Variants in TYW1B observed in about 807,000 individuals in gnomAD.
TYW1B encodes S-adenosyl-L-methionine-dependent tRNA 4-demethylwyosine synthase TYW1B.
TYW1B carries 73 observed loss-of-function variants against 86.9 expected under a neutral mutation model. The ratio of observed to expected loss-of-function variants is 0.84; its 90% CI spans 0.70 to 1.02. TYW1B has a LOEUF of 1.02. Among genes scored for constraint, TYW1B ranks in the 50% least tolerant of loss-of-function variants. The probability of loss-of-function intolerance (pLI) is 0.00; values close to 1 mark genes in which losing one functional copy is unlikely to be tolerated. For synonymous variants in TYW1B, 248 were observed against 292.8 expected (o/e 0.85, Z 1.56); for missense variants, 637 against 827.4 (o/e 0.77, Z 2.82).
intron 1 of TYW1B, among the ~76,000 whole-genome samples, chr7:72,827,700 C>G (rs1241198239): frequency 6.6e-6 from 1 of 152,062 alleles, no homozygotes; most frequent in Non-Finnish European, 1.5e-5. Context: ...AAAAGATTCT[C>G]AAGTAACTGA....
chr7:72,581,866 C>G (rs1252307977), intron 13 of TYW1B, among the ~76,000 whole-genome samples: 1 of 152,174 alleles, frequency 6.6e-6, no homozygotes, highest in Non-Finnish European at 1.5e-5. Flanking sequence ...ATCCCAGGTA[C>G]AAGAGATTCT....
At chr7:72,632,377 T>TAATATATA (rs1812534833) in intron 11 of TYW1B, among the ~76,000 whole-genome samples, 1 of 89,534 alleles carries the variant, frequency 1.1e-5, no homozygotes, top group Non-Finnish European at 1.9e-5. Context: ...GCATATATAT[T>TAATATATA]ATATATATAC....
rs34001923 is a variant in TYW1B, at chr7:72,737,787, CT to C, written c.1082+6696del. Among the ~76,000 whole-genome samples, 1,058 of 138,814 alleles carry C rather than the reference CT, an allele frequency of 7.6e-3. 14 individuals are homozygous for C. The highest frequency in any genetic ancestry group is 0.026 in the African/African-American group (977 of 36,966). The allele number at this position is 138,814 out of a possible 152,430, so 91.1% of individuals were successfully genotyped here. A position where few individuals can be genotyped will look rare whatever the true frequency, so the allele number is the denominator to read the frequency against. ...GTGGTTTTTTGGTCACATTTTACTTCTTTTTTTTTTTTTTTGAGATGGAGTA... is the reference window on the plus strand; with the variant it reads ...GTGGTTTTTTGGTCACATTTTACTTCTTTTTTTTTTTTTTGAGATGGAGTA... On this transcript the variant is annotated intron_variant, in intron 8 of 13. Transcript: ENST00000620995.
At chr7:72,768,187 G>C (rs541800298) in intron 7 of TYW1B, among the ~76,000 whole-genome samples, 2 of 151,842 alleles carry the variant, frequency 1.3e-5, no homozygotes, top group African/African-American at 4.8e-5. Context: ...GCTGCAGTGA[G>C]CCGAAATTGC....
At chr7:72,650,775 C>T (rs1335157671) in intron 11 of TYW1B, among the ~76,000 whole-genome samples, 1 of 152,122 alleles carries the variant, frequency 6.6e-6, no homozygotes, top group Non-Finnish European at 1.5e-5. Flanking sequence ...ACGTGGTAAT[C>T]TAACATTTCA....
At chr7:72,656,148 A>G (rs553805041) in intron 11 of TYW1B, among the ~76,000 whole-genome samples, 1 of 152,292 alleles carries the variant, frequency 6.6e-6, no homozygotes, top group Admixed American at 6.5e-5. Flanking sequence ...GCAAAGCCCT[A>G]CCACAGCCTC....
At chr7:72,671,641 T>A (rs1442309520) in intron 11 of TYW1B, among the ~76,000 whole-genome samples, 2 of 152,226 alleles carry the variant, frequency 1.3e-5, no homozygotes, top group Non-Finnish European at 2.9e-5. Context: ...ATTTAAGGGC[T>A]GTGTGGATTT....
At chr7:72,611,750 T>TG (rs1554435969) in intron 13 of TYW1B, among the ~76,000 whole-genome samples, 1 of 152,112 alleles carries the variant, frequency 6.6e-6, no homozygotes, top group Non-Finnish European at 1.5e-5. Context: ...CTGACACACA[T>TG]GGGTATTCAA....
intron 2 of TYW1B, among the ~76,000 whole-genome samples, chr7:72,825,933 A>T (rs1364322631): frequency 6.6e-6 from 1 of 152,216 alleles, no homozygotes; most frequent in African/African-American, 2.4e-5. Flanking sequence ...CATCGCAGAA[A>T]GGAAAAATAT....
At chr7:72,610,578 G>T (rs1187766238) in intron 13 of TYW1B, among the ~76,000 whole-genome samples, 1 of 151,974 alleles carries the variant, frequency 6.6e-6, no homozygotes, top group East Asian at 1.9e-4. Context: ...CCCTCAGATT[G>T]CTAGACCTGA....
In TYW1B at chr7:72,745,851, G is replaced by GT. The variant is rs1787384617; in HGVS notation, c.965-1251_965-1250insA. The stretch of plus-strand genomic sequence containing the variant: ...TGAGTAGCCTTTACACGTGTATAGG[G>GT]GTGTGTGTGTGTGTGTGTGTGTGTG... On this transcript the variant is annotated intron_variant, in intron 7 of 13. Coordinates refer to ENST00000620995, the MANE Select transcript of TYW1B (RefSeq NM_001145440.3). 2.7e-3 allele frequency among the ~76,000 whole-genome samples: 200 copies of GT among 75,152 alleles called. 1 individual carries two copies. The South Asian group carries it at 0.042, about 16-fold the overall frequency. 49.3% of individuals were successfully genotyped at this position (75,152 alleles called of 152,430 possible).
chr7:72,646,915 T>C (rs1192850820), intron 11 of TYW1B, among the ~76,000 whole-genome samples: 1 of 152,222 alleles, frequency 6.6e-6, no homozygotes, highest in Non-Finnish European at 1.5e-5. Context: ...TAAAAATATA[T>C]AGTCATGAGT....
chr7:72,702,137 C>A (rs1554452691), intron 10 of TYW1B, among the ~76,000 whole-genome samples: 1 of 152,170 alleles, frequency 6.6e-6, no homozygotes, highest in Non-Finnish European at 1.5e-5. Context: ...CCACTTGAGG[C>A]AGCTTTGTGA....
chr7:72,802,453 T>C lies in TYW1B; in HGVS notation c.793A>G (p.Ile265Val), dbSNP rs782280364. 9.9e-6 allele frequency: 16 copies of C among 1,613,886 alleles called. No individual in the cohort carries two copies. The highest frequency in any genetic ancestry group is 6.6e-5 in the South Asian group (6 of 91,074). The change falls in exon 6 of 14, where the codon ATT becomes GTT. Residue 265 changes from isoleucine (I) to valine (V), a missense_variant. Coordinates refer to ENST00000620995, the MANE Select transcript of TYW1B (RefSeq NM_001145440.3). ...GGEDHQSLNS[I>V]VDVEDLGKIM... ...TTGCCCAAATCTTCAACATCAACAATGGAATTTAGGCTCTGATGGTCCTCA... is the reference window on the plus strand; with the variant it reads ...TTGCCCAAATCTTCAACATCAACAACGGAATTTAGGCTCTGATGGTCCTCA...
chr7:72,741,014 A>C (rs1302662466), intron 8 of TYW1B, among the ~76,000 whole-genome samples: 1 of 151,942 alleles, frequency 6.6e-6, no homozygotes, highest in Non-Finnish European at 1.5e-5. Context: ...ACAGGCATGA[A>C]CCACCATGCC....
chr7:72,734,269 A>AAAAAAAAAAAAAAC (rs1554255459), intron 8 of TYW1B, among the ~76,000 whole-genome samples: 37 of 51,706 alleles, frequency 7.2e-4, no homozygotes, highest in African/African-American at 1.9e-3. Context: ...AAAAAAAAAA[A>AAAAAAAAAAAAAAC]CACAACAAAA....
At chr7:72,704,738 C>CATT (rs1296293306) in intron 10 of TYW1B, among the ~76,000 whole-genome samples, 1 of 151,904 alleles carries the variant, frequency 6.6e-6, no homozygotes, top group Admixed American at 6.6e-5. Context: ...ATAAGGTAGT[C>CATT]ATTATTATTA....
chr7:72,742,129 T>C (rs1554462535), intron 8 of TYW1B, among the ~76,000 whole-genome samples: 1 of 152,140 alleles, frequency 6.6e-6, no homozygotes. Flanking sequence ...TTTGTGTTTG[T>C]TTTTCATTTG....
intron 4 of TYW1B, among the ~76,000 whole-genome samples, chr7:72,809,286 G>T (rs546496588): frequency 6.6e-6 from 1 of 151,960 alleles, no homozygotes; most frequent in Admixed American, 6.6e-5. Context: ...CTCGTGATCC[G>T]CCTGCCTCGG....
Sources: allele counts gnomAD v4.1 joint callset (sites outside exome capture counted in the v4.1 genomes callset), GRCh38; gene constraint gnomAD v4.1.1; transcripts MANE v1.5; gene names NCBI Gene and HGNC (gene_info 2026-07-23, HGNC 2026-07-21).